GRIP1: variants seen among roughly 807,000 people sequenced by gnomAD.
GRIP1 encodes the protein glutamate receptor interacting protein 1.
In GRIP1, 45 loss-of-function variants were observed where a neutral mutation model predicts 129.9. That is an observed-to-expected ratio of 0.35 (90% CI 0.27 to 0.44). The LOEUF is 0.44. Among genes scored for constraint, GRIP1 ranks in the 20% least tolerant of loss-of-function variants. The pLI is 1.00. For missense variants in GRIP1, 1,196 were observed against 1,396.8 expected (o/e 0.86, Z 2.29); for synonymous variants, 530 against 520.8 (o/e 1.02, Z -0.24).
chr12:67,041,381 T>G (rs571457755), intron 1 of GRIP1, among the ~76,000 whole-genome samples: 10 of 152,116 alleles, frequency 6.6e-5, no homozygotes, highest in Non-Finnish European at 1.2e-4. Flanking sequence ...CGTGTGTATA[T>G]ACACATATAT....
chr12:66,351,203 A>G (rs78739143), intron 24 of GRIP1, among the ~76,000 whole-genome samples: 1,725 of 152,322 alleles, frequency 0.011, 37 homozygotes, highest in African/African-American at 0.04. Context: ...ACATCCCTGA[A>G]AGCCAACCAA....
intron 1 of GRIP1, among the ~76,000 whole-genome samples, chr12:66,785,363 T>TATATATATATATATATTA (rs5798837): frequency 7.1e-6 from 1 of 141,680 alleles, no homozygotes; most frequent in African/African-American, 2.6e-5. Flanking sequence ...TATATATATA[T>TATATATATATATATATTA]TAGTTGGGCA....
chr12:66,853,534 C>T (rs1504310), intron 1 of GRIP1, among the ~76,000 whole-genome samples: 42,062 of 151,902 alleles, frequency 0.28, 6,907 homozygotes, highest in East Asian at 0.41. Context: ...AATCTGCTGC[C>T]GCACAGGAGT....
intron 1 of GRIP1, among the ~76,000 whole-genome samples, chr12:66,879,964 G>A (rs2040447345): frequency 6.6e-6 from 1 of 152,090 alleles, no homozygotes; most frequent in Non-Finnish European, 1.5e-5. Context: ...ATTAAGCAGA[G>A]GTTGAGGTGT....
At chr12:66,876,578 G>A (rs906335246) in intron 1 of GRIP1, among the ~76,000 whole-genome samples, 3 of 152,082 alleles carry the variant, frequency 2.0e-5, no homozygotes, top group Non-Finnish European at 4.4e-5. Flanking sequence ...TAGCAAAGCT[G>A]TCATGCAGCT....
intron 7 of GRIP1, among the ~76,000 whole-genome samples, chr12:66,503,221 G>A (rs574831822): frequency 3.7e-4 from 57 of 152,236 alleles, no homozygotes; most frequent in African/African-American, 1.3e-3. Context: ...GAAATTGGGC[G>A]AGTGAACCGG....
At chr12:66,935,908 T>C (rs2041476433) in intron 1 of GRIP1, among the ~76,000 whole-genome samples, 2 of 152,310 alleles carry the variant, frequency 1.3e-5, no homozygotes, top group East Asian at 3.9e-4. Context: ...GTTTTCAATT[T>C]TGTCTGACTA....
intron 2 of GRIP1, among the ~76,000 whole-genome samples, chr12:66,594,597 C>A (rs988649391): frequency 6.6e-6 from 1 of 152,132 alleles, no homozygotes; most frequent in Non-Finnish European, 1.5e-5. Context: ...ATTGGACTCT[C>A]CTGAATTCTG....
intron 1 of GRIP1, among the ~76,000 whole-genome samples, chr12:66,817,435 G>GTCTT (rs1272460849): frequency 6.6e-6 from 1 of 152,072 alleles, no homozygotes; most frequent in East Asian, 1.9e-4. Context: ...TTGGGATGGA[G>GTCTT]TCTTTCTCTT....
At chr12:66,987,110 A>T (rs1368000530) in intron 1 of GRIP1, among the ~76,000 whole-genome samples, 3 of 152,146 alleles carry the variant, frequency 2.0e-5, no homozygotes, top group Admixed American at 6.5e-5. Context: ...GAACTCCTGG[A>T]GCTTTCTAGG....
intron 2 of GRIP1, chr12:66,568,462 T>G (rs1287113317): frequency 5.8e-6 from 1 of 171,454 alleles, no homozygotes; most frequent in Non-Finnish European, 1.3e-5. Flanking sequence ...GCTCTTATGC[T>G]CCTCCATGGA....
At chr12:66,477,637 G>A (rs2059659747) in intron 7 of GRIP1, among the ~76,000 whole-genome samples, 1 of 152,132 alleles carries the variant, frequency 6.6e-6, no homozygotes, top group African/African-American at 2.4e-5. Context: ...TATACTACAA[G>A]GTTACAGTAA....
intron 1 of GRIP1, among the ~76,000 whole-genome samples, chr12:66,749,072 C>T (rs967399220): frequency 1.1e-4 from 16 of 152,106 alleles, no homozygotes; most frequent in Non-Finnish European, 1.3e-4. Context: ...GCTAGTTGCC[C>T]GCAAGTATCC....
chr12:66,822,957 C>G (rs768003425), intron 1 of GRIP1, among the ~76,000 whole-genome samples: 2 of 152,164 alleles, frequency 1.3e-5, no homozygotes, highest in Non-Finnish European at 2.9e-5. Flanking sequence ...CAAGCTTGCA[C>G]ATGCACTCCC....
intron 11 of GRIP1, among the ~76,000 whole-genome samples, chr12:66,453,453 C>T (rs10082937): frequency 0.47 from 71,621 of 152,006 alleles, 17,311 homozygotes; most frequent in Middle Eastern, 0.64. Context: ...GAAGGCATTA[C>T]ATAGAAGACT....
At chr12:66,844,204 C>G (rs2039772556) in intron 1 of GRIP1, among the ~76,000 whole-genome samples, 1 of 152,052 alleles carries the variant, frequency 6.6e-6, no homozygotes, top group South Asian at 2.1e-4. Flanking sequence ...TGCTCAACAT[C>G]ACTACTTATT....
chr12:66,518,448 C>T (rs985767930), intron 5 of GRIP1, among the ~76,000 whole-genome samples: 2 of 151,902 alleles, frequency 1.3e-5, no homozygotes, highest in African/African-American at 2.4e-5. Flanking sequence ...GACCAAGTGG[C>T]TTTCATTAAA....
intron 1 of GRIP1, among the ~76,000 whole-genome samples, chr12:67,027,348 T>C (rs551632405): frequency 6.6e-6 from 1 of 152,340 alleles, no homozygotes; most frequent in African/African-American, 2.4e-5. Flanking sequence ...GATAGTTGTC[T>C]GTGCAGGAAG....
chr12:67,012,322 G>T (rs1274418983), intron 1 of GRIP1, among the ~76,000 whole-genome samples: 1 of 152,126 alleles, frequency 6.6e-6, no homozygotes, highest in Non-Finnish European at 1.5e-5. Flanking sequence ...TTATCATTAA[G>T]AATTAGAACT....
Sources: allele counts gnomAD v4.1 joint callset (sites outside exome capture counted in the v4.1 genomes callset), GRCh38; gene constraint gnomAD v4.1.1; transcripts MANE v1.5; gene names NCBI Gene and HGNC (gene_info 2026-07-23, HGNC 2026-07-21).